Variants in CCR3 observed in about 807,000 individuals in gnomAD.
CCR3 encodes C-C motif chemokine receptor 3.
For synonymous variants in CCR3, 203 were observed against 179.2 expected (o/e 1.13, Z -1.06); for missense variants, 419 against 437.5 (o/e 0.96, Z 0.38).
chr3:46,237,795 T>TA (rs1338225134), upstream of CCR3, among the ~76,000 whole-genome samples: 1 of 152,240 alleles, frequency 6.6e-6, no homozygotes, highest in African/African-American at 2.4e-5. Flanking sequence ...GTGTCTGTTT[T>TA]AATACCAACG....
At chr3:46,231,419 A>T (rs139364052) in intron 2 of CCR3, among the ~76,000 whole-genome samples, 1 of 152,236 alleles carries the variant, frequency 6.6e-6, no homozygotes. Context: ...TCTTCCCACA[A>T]TAAGAAATAT....
chr3:46,250,756 G>A (rs959251498), intron 1 of CCR3, among the ~76,000 whole-genome samples: 1 of 151,990 alleles, frequency 6.6e-6, no homozygotes, highest in African/African-American at 2.4e-5. Context: ...TGCCTATAGT[G>A]AAGGAGGCAA....
chr3:46,225,341 C>A (rs1055812408), intron 2 of CCR3, among the ~76,000 whole-genome samples: 2 of 152,192 alleles, frequency 1.3e-5, no homozygotes, highest in Admixed American at 1.3e-4. Context: ...AGGCATCTTA[C>A]CATCTCAATC....
chr3:46,229,884 A>C (rs1246673343), intron 2 of CCR3, among the ~76,000 whole-genome samples: 1 of 152,184 alleles, frequency 6.6e-6, no homozygotes, highest in African/African-American at 2.4e-5. Flanking sequence ...TCAGAGAAGC[A>C]GGACAGAGAG....
chr3:46,266,025 CGCCT>C lies in CCR3; in HGVS notation c.868_871del (p.Ala290ThrfsTer6), dbSNP rs1396736150. The C allele has an allele frequency of 1.9e-6, 3 of 1,613,906 alleles. No individual in the cohort carries two copies. Among genetic ancestry groups the C allele is most frequent in the Non-Finnish European group, 2.5e-6 (3 of 1,180,016 alleles). ...TGGTCATGCTGGTGACAGAGGTGATCGCCTACTCCCACTGCTGCATGAACCCGGT... is the reference window on the plus strand; with the variant it reads ...TGGTCATGCTGGTGACAGAGGTGATCACTCCCACTGCTGCATGAACCCGGT... On this transcript the variant is annotated frameshift_variant, in exon 2 of 2. Transcript: ENST00000395940. LOFTEE classifies it low-confidence loss of function (END_TRUNC).
chr3:46,240,185 C>T (rs1559529706), upstream of CCR3, among the ~76,000 whole-genome samples: 4 of 152,154 alleles, frequency 2.6e-5, no homozygotes, highest in South Asian at 8.3e-4. Flanking sequence ...AAAATTCCAC[C>T]CTCTGCCAGA....
chr3:46,235,766 C>T (rs192127439), intron 2 of CCR3, among the ~76,000 whole-genome samples: 47 of 152,316 alleles, frequency 3.1e-4, no homozygotes, highest in Admixed American at 2.7e-3. Context: ...GAGGACTGGC[C>T]ATAAAAGAGC....
intron 2 of CCR3, among the ~76,000 whole-genome samples, chr3:46,231,218 A>C (rs13060713): frequency 0.062 from 9,405 of 152,274 alleles, 487 homozygotes; most frequent in South Asian, 0.26. Flanking sequence ...CCACTGTGCC[A>C]GGCCCAGATT....
In CCR3 at chr3:46,252,920, T is replaced by TA. The variant is rs371937055; in HGVS notation, c.-12+10393dup. The stretch of plus-strand genomic sequence containing the variant: ...TGGAGGGTTACATGACTCAGGGATT[T>TA]AAAAAAAAAAAGTTCAAATTTAGGA... On this transcript the variant is annotated intron_variant, in intron 1 of 1. Coordinates refer to ENST00000395940, the MANE Select transcript of CCR3 (RefSeq NM_178329.3). Among the ~76,000 whole-genome samples the TA allele has an allele frequency of 1.9e-3, 284 of 147,294 alleles. 1 individual carries two copies. Among genetic ancestry groups the TA allele is most frequent in the Middle Eastern group, 3.4e-3 (1 of 294 alleles).
At chr3:46,249,514 A>G (rs1383692890) in intron 1 of CCR3, among the ~76,000 whole-genome samples, 1 of 152,144 alleles carries the variant, frequency 6.6e-6, no homozygotes, top group African/African-American at 2.4e-5. Context: ...AGAGTTACCT[A>G]AAGCTCGGCA....
intron 2 of CCR3, among the ~76,000 whole-genome samples, chr3:46,214,422 A>G (rs1575482831): frequency 6.6e-6 from 1 of 151,862 alleles, no homozygotes; most frequent in Non-Finnish European, 1.5e-5. Flanking sequence ...TGCTCTATTG[A>G]TTTTCTCTCA....
intron 2 of CCR3, among the ~76,000 whole-genome samples, chr3:46,233,946 T>C (rs910324386): frequency 6.6e-5 from 10 of 152,196 alleles, no homozygotes; most frequent in Admixed American, 6.5e-5. Flanking sequence ...CTTCCCCATC[T>C]GCAACACAGG....
chr3:46,221,698 T>C (rs1357131457), intron 2 of CCR3, among the ~76,000 whole-genome samples: 2 of 149,128 alleles, frequency 1.3e-5, no homozygotes, highest in African/African-American at 4.8e-5. Context: ...TATTTTGTTT[T>C]GCTTAAGCCT....
intron 1 of CCR3, among the ~76,000 whole-genome samples, chr3:46,255,666 T>C (rs1700407851): frequency 6.6e-6 from 1 of 152,200 alleles, no homozygotes. Context: ...CTTTCCCCAC[T>C]TTATGTTTTT....
chr3:46,246,823 G>T (rs893832408), intron 1 of CCR3, among the ~76,000 whole-genome samples: 1 of 152,106 alleles, frequency 6.6e-6, no homozygotes, highest in African/African-American at 2.4e-5. Context: ...GAGAGAATGG[G>T]CGATGTTTCC....
chr3:46,249,552 G>A (rs1004290510), intron 1 of CCR3, among the ~76,000 whole-genome samples: 4 of 152,162 alleles, frequency 2.6e-5, no homozygotes, highest in African/African-American at 9.7e-5. Flanking sequence ...GGCTTCCGAG[G>A]CGATCAGGCT....
At chr3:46,233,156 C>T (rs1177740537) in intron 2 of CCR3, among the ~76,000 whole-genome samples, 2 of 152,168 alleles carry the variant, frequency 1.3e-5, no homozygotes, top group African/African-American at 4.8e-5. Flanking sequence ...AAAGCTTTCA[C>T]AGGAGGGTGA....
At chr3:46,220,900 G>C (rs1344224281) in intron 2 of CCR3, among the ~76,000 whole-genome samples, 1 of 152,192 alleles carries the variant, frequency 6.6e-6, no homozygotes. Flanking sequence ...GCTGGGTGCA[G>C]TGTACACTGC....
chr3:46,263,631 A>G (rs1475464759), intron 1 of CCR3: 4 of 152,194 alleles, frequency 2.6e-5, no homozygotes, highest in Admixed American at 2.0e-4. Context: ...GCTTCCTACC[A>G]GTTTTACAGC....
Sources: allele counts gnomAD v4.1 joint callset (sites outside exome capture counted in the v4.1 genomes callset), GRCh38; gene constraint gnomAD v4.1.1; transcripts MANE v1.5; gene names NCBI Gene and HGNC (gene_info 2026-07-23, HGNC 2026-07-21).